The following DNM2 variants were observed in gnomAD, a reference collection of about 807,000 sequenced individuals.
DNM2 encodes dynamin-2.
In DNM2, 15 loss-of-function variants were observed where a neutral mutation model predicts 99.0. That is an observed-to-expected ratio of 0.15 (90% confidence interval 0.10 to 0.23). The LOEUF is 0.23. DNM2 is among the 10% of genes least tolerant of loss of function. The pLI, the probability that DNM2 is intolerant of heterozygous loss-of-function variation, is 1.00. For synonymous variants in DNM2, 525 were observed against 481.2 expected (o/e 1.09, Z -1.19); for missense variants, 742 against 1,189.4 (o/e 0.62, Z 5.53).
At chr19:10,745,516 A>G (rs1426701638) in intron 1 of DNM2, among the ~76,000 whole-genome samples, 1 of 152,120 alleles carries the variant, frequency 6.6e-6, no homozygotes, top group Non-Finnish European at 1.5e-5. Context: ...CCTAGGCAGC[A>G]TATCACTACA....
rs111312260 is a variant in DNM2 at position 10,734,014 on chromosome 19, T to TAA, written c.161+15623_161+15624dup. On this transcript the variant is annotated intron_variant, in intron 1 of 20. Transcript: ENST00000389253. ...CAAAAGGAGACTCCATCTCAAAAAATAAAAAAAAAAAAATGAATGAATGAA... is the reference window on the plus strand; with the variant it reads ...CAAAAGGAGACTCCATCTCAAAAAATAAAAAAAAAAAAAAATGAATGAATGAA... Among the ~76,000 whole-genome samples, 414 of 134,904 alleles carry TAA rather than the reference T, an allele frequency of 3.1e-3. 3 individuals carry two copies. Among genetic ancestry groups the TAA allele is most frequent in the African/African-American group, 0.011 (401 of 36,776 alleles). 88.5% of individuals were successfully genotyped at this position (134,904 alleles called of 152,430 possible). A position where few individuals can be genotyped will look rare whatever the true frequency, so the allele number is the denominator to read the frequency against.
intron 13 of DNM2, among the ~76,000 whole-genome samples, chr19:10,806,437 G>A (rs1453530148): frequency 6.6e-6 from 1 of 151,850 alleles, no homozygotes; most frequent in African/African-American, 2.4e-5. Flanking sequence ...AAGGTGGGAG[G>A]GTCACTTGAG....
chr19:10,831,004 G>A lies in DNM2; in HGVS notation c.2570G>A (p.Arg857Gln), dbSNP rs2146214027. 6.2e-7 allele frequency: 1 copy of A among 1,611,362 alleles called. No individual in the cohort carries two copies. Among genetic ancestry groups the A allele is most frequent in the Non-Finnish European group, 8.5e-7 (1 of 1,178,966 alleles). ...PSRRPPAAPS[R>Q]PTIIRPAEPS... is the part of the protein sequence containing the mutation. ...AGAAGACCCCCTGCTGCGCCCAGCC[G>A]GCCCACCATTATCCGCCCAGCCGAG... is the stretch of plus-strand genomic sequence containing the variant. The change falls in exon 21 of 21, where the codon CGG (arginine) becomes CAG (glutamine). Residue 857 changes from arginine to glutamine, a missense_variant. Arg to Gln is a conservative substitution (Grantham distance 43). Around this residue, in one of 7 missense-constraint regions of DNM2, gnomAD observed 187 missense variants for 218.8 expected, o/e 0.85. Transcript: ENST00000389253. This position sits in a 1 kb window ranked among gnomAD's most constrained non-coding sequence, Gnocchi z 4.3.
chr19:10,735,845 C>T (rs1461331841), intron 1 of DNM2, among the ~76,000 whole-genome samples: 5 of 152,150 alleles, frequency 3.3e-5, no homozygotes, highest in Non-Finnish European at 7.4e-5. Flanking sequence ...ACCATCCTTT[C>T]TCCCTAAAGT....
Position 10,796,215 on chromosome 19 carries a change from C to T in DNM2, c.1196+776C>T. ...TACCAGTAAGGTATTGCTCCCTCGG[C>T]AGGGTGACTCCTGACCTTGTGGAAA... On this transcript the variant is annotated intron_variant, in intron 9 of 20. Transcript: ENST00000389253. The surrounding 1 kb of genome is among the most constrained non-coding windows in gnomAD (Gnocchi z 5.6). 3 of 1,613,870 alleles carry T rather than the reference C, an allele frequency of 1.9e-6. No individual in the cohort carries two copies. Among genetic ancestry groups the T allele is most frequent in the Non-Finnish European group, 2.5e-6 (3 of 1,180,006 alleles).
At position 10,759,720 on chromosome 19, in the gene DNM2, C is replaced by T. The variant is rs1484497412; in HGVS notation, c.162-18C>T. On this transcript the variant is annotated intron_variant, in intron 1 of 20. Transcript: ENST00000389253. ...TCCGGACGCAAGAGTAATTTCTGTCCCTCTCCCCCCCTCACAGGGACTTCC... is the reference window on the plus strand; with the variant it reads ...TCCGGACGCAAGAGTAATTTCTGTCTCTCTCCCCCCCTCACAGGGACTTCC... 6.2e-7 allele frequency: 1 copy of T among 1,613,928 alleles called. No individual in the cohort carries two copies. Among genetic ancestry groups the T allele is most frequent in the East Asian group, 2.2e-5 (1 of 44,884 alleles).
At chr19:10,752,582 G>A (rs2070233939) in intron 1 of DNM2, among the ~76,000 whole-genome samples, 1 of 152,254 alleles carries the variant, frequency 6.6e-6, no homozygotes. Flanking sequence ...TGCCTAAGAT[G>A]TGTTTGCTCA....
In DNM2 at chr19:10,830,953, C is replaced by T. The variant is rs1291728395; in HGVS notation, c.2544-25C>T. On this transcript the variant is annotated intron_variant, in intron 20 of 20. Coordinates refer to ENST00000389253, the MANE Select transcript of DNM2 (RefSeq NM_001005361.3). This position sits in a 1 kb window ranked among gnomAD's most constrained non-coding sequence, Gnocchi z 4.8. ...CGGCCTCACTGCCGTCTCCCCCTCC[C>T]CACCTGTCTTTATTCTCTTTGCAGC... 1 of 1,606,202 alleles carries T rather than the reference C, an allele frequency of 6.2e-7. No individual in the cohort carries two copies. Among genetic ancestry groups the T allele is most frequent in the Non-Finnish European group, 8.5e-7 (1 of 1,176,350 alleles).
Position 10,759,777 on chromosome 19 carries a change from G to A in DNM2, c.201G>A (p.Arg67=), listed in dbSNP as rs1202326289. Residue 67 remains arginine (R), a synonymous_variant, in exon 2 of 21, where the codon CGG becomes CGA. Transcript: ENST00000389253. ...LPRGSGIVTR[R]PLILQLIFSK... is the part of the protein sequence containing the mutation. ...GCGGTTCAGGAATCGTCACCCGGCG[G>A]CCTCTCATTCTGCAGCTCATCTTCT... 6.2e-7 allele frequency: 1 copy of A among 1,614,006 alleles called. No homozygotes were observed. Among genetic ancestry groups the A allele is most frequent in the South Asian group, 1.1e-5 (1 of 91,088 alleles).
At chr19:10,823,600 G>A (rs764164211) in intron 16 of DNM2, 188 bp from the exon 17 acceptor site, 9 of 592,656 alleles carry the variant, frequency 1.5e-5, no homozygotes, top group African/African-American at 7.5e-5. Context: ...GACACTTGCC[G>A]AGCTTGTGCA....
intron 7 of DNM2, among the ~76,000 whole-genome samples, chr19:10,791,639 G>C (rs1246124822): frequency 3.9e-5 from 6 of 152,176 alleles, no homozygotes; most frequent in Non-Finnish European, 8.8e-5. Flanking sequence ...CTGGTGCCCA[G>C]GTGTGCTTTG....
At chr19:10,746,811 A>T (rs1158133391) in intron 1 of DNM2, among the ~76,000 whole-genome samples, 1 of 134,492 alleles carries the variant, frequency 7.4e-6, no homozygotes, top group Non-Finnish European at 1.5e-5. Context: ...ATCTCAGCTC[A>T]CTGTGACCTC....
chr19:10,740,046 G>T (rs1333197798), intron 1 of DNM2, among the ~76,000 whole-genome samples: 1 of 151,908 alleles, frequency 6.6e-6, no homozygotes, highest in Non-Finnish European at 1.5e-5. Flanking sequence ...TTCATCTAGG[G>T]TGTATTTAAT....
intron 1 of DNM2, among the ~76,000 whole-genome samples, chr19:10,743,392 C>T (rs764974898): frequency 1.2e-4 from 18 of 151,744 alleles, no homozygotes; most frequent in Non-Finnish European, 1.8e-4. Context: ...AAACATCATG[C>T]GGCCAGGCAT....
intron 2 of DNM2, among the ~76,000 whole-genome samples, chr19:10,770,567 C>T (rs118021075): frequency 0.026 from 3,976 of 152,220 alleles, 75 homozygotes; most frequent in Non-Finnish European, 0.036. Context: ...CTGATAAAGA[C>T]GTATTTGAGA....
chr19:10,777,768 T>A (rs1454224862), intron 5 of DNM2, among the ~76,000 whole-genome samples: 2 of 152,026 alleles, frequency 1.3e-5, no homozygotes, highest in Non-Finnish European at 2.9e-5. Flanking sequence ...CTAGTTTTTG[T>A]ATTTTTACTA....
chr19:10,767,485 A>T (rs953660595), intron 2 of DNM2, among the ~76,000 whole-genome samples: 2 of 152,216 alleles, frequency 1.3e-5, no homozygotes, highest in South Asian at 2.1e-4. Context: ...CTAATTTTTA[A>T]TTTTTTTGTA....
intron 7 of DNM2, 65 bp downstream of exon 7, chr19:10,786,771 C>T: frequency 6.2e-7 from 1 of 1,607,174 alleles, no homozygotes; most frequent in Non-Finnish European, 8.5e-7. Flanking sequence ...CCACAGGGCC[C>T]CCTAGGCTGG....
At chr19:10,827,317 A>C (rs924798381) in intron 18 of DNM2, among the ~76,000 whole-genome samples, 1 of 152,318 alleles carries the variant, frequency 6.6e-6, no homozygotes, top group East Asian at 1.9e-4. Context: ...CCCACGTGCA[A>C]AGTGAGCTTA....
Sources: gnomAD v4.1 joint callset for allele counts (sites outside exome capture counted in the v4.1 genomes callset) on GRCh38, gnomAD v4.1.1 for gene constraint, gnomAD v4.1.1 regional missense constraint, Gnocchi (gnomAD v3.1) non-coding constraint, MANE v1.5 for transcripts, NCBI Gene and HGNC (gene_info 2026-07-23, HGNC 2026-07-21) for gene names.